MAPK14: variants seen among roughly 807,000 people sequenced by gnomAD.
The protein encoded by MAPK14 is CSAID-binding protein.
A neutral mutation model predicts 49.6 loss-of-function variants in MAPK14; 16 were observed. The observed-to-expected ratio is 0.32, with a 90% CI of 0.22 to 0.49. MAPK14 has a LOEUF of 0.49. Among genes scored for constraint, MAPK14 ranks in the 20% least tolerant of loss-of-function variants. MAPK14 has a pLI of 0.99. For synonymous variants in MAPK14, 142 were observed against 158.0 expected, an observed-to-expected ratio of 0.90 and a Z score of 0.76; for missense variants, 200 against 441.2, an observed-to-expected ratio of 0.45 and a Z score of 4.90.
chr6:36,028,053 A>T lies in MAPK14; in HGVS notation c.-105A>T. The T allele has an allele frequency of 1.6e-6, 1 of 619,072 alleles. No homozygotes were observed. The allele number at this position is 619,072 out of a possible 1,614,324, so 38.3% of individuals were successfully genotyped here. ...CCGCACCTGCGCGGGCGACCAGCGC[A>T]AGGTCCCCGCCCGGCTGGGCGGGCA... On this transcript the variant is annotated 5_prime_UTR_variant, in exon 1 of 12. Coordinates refer to ENST00000229794, the MANE Select transcript of MAPK14 (RefSeq NM_139012.3). This position sits in a 1 kb window ranked among gnomAD's most constrained non-coding sequence, Gnocchi z 5.1.
chr6:36,049,400 G>A (rs779551806), intron 1 of MAPK14, among the ~76,000 whole-genome samples: 5 of 152,136 alleles, frequency 3.3e-5, no homozygotes, highest in Non-Finnish European at 4.4e-5. Flanking sequence ...CAATGCTGCC[G>A]GTCCATGGAG....
At chr6:36,076,669 A>G in intron 8 of MAPK14, 61 bp downstream of exon 8, 1 of 1,281,632 alleles carries the variant, frequency 7.8e-7, no homozygotes, top group East Asian at 2.3e-5. Context: ...CCATGGGTGT[A>G]TACTCCTTTT....
At chr6:36,076,671 A>G (rs1249350320) in intron 8 of MAPK14, 63 bp downstream of exon 8, 7 of 1,207,678 alleles carry the variant, frequency 5.8e-6, no homozygotes, top group Non-Finnish European at 6.1e-6. Flanking sequence ...ATGGGTGTAT[A>G]CTCCTTTTAC....
chr6:36,081,321 A>G (rs1764751533), intron 8 of MAPK14, among the ~76,000 whole-genome samples: 1 of 152,124 alleles, frequency 6.6e-6, no homozygotes, highest in Non-Finnish European at 1.5e-5. Flanking sequence ...AATAGGGTTT[A>G]GCTCTTATAC....
intron 3 of MAPK14, among the ~76,000 whole-genome samples, chr6:36,069,235 T>G (rs2127436973): frequency 6.6e-6 from 1 of 152,332 alleles, no homozygotes; most frequent in South Asian, 2.1e-4. Context: ...AATGCCTCTT[T>G]TGGAATGTGC....
rs187225386 is a variant in MAPK14, at chr6:36,101,702, A to C, written c.763-869A>C. ...CTAATTTTTTGTATTTTTGGAGACA[A>C]GTTTTCACCATGTTACCCAGGCTGG... On this transcript the variant is annotated intron_variant, in intron 9 of 11. Coordinates refer to ENST00000229794, the MANE Select transcript of MAPK14 (RefSeq NM_139012.3). Among the ~76,000 whole-genome samples, 28 of 152,174 alleles carry C rather than the reference A, an allele frequency of 1.8e-4. No individual in the cohort carries two copies. In the East Asian group the frequency reaches 5.2e-3, roughly 28 times the overall value.
downstream of MAPK14, among the ~76,000 whole-genome samples, chr6:36,115,914 G>A (rs1341896947): frequency 1.4e-5 from 2 of 143,210 alleles, no homozygotes; most frequent in Non-Finnish European, 3.0e-5. Context: ...GGCAACAGAG[G>A]GAGACTCCGT....
intron 3 of MAPK14, among the ~76,000 whole-genome samples, chr6:36,065,270 G>A (rs772192074): frequency 1.3e-5 from 2 of 152,162 alleles, no homozygotes; most frequent in Non-Finnish European, 2.9e-5. Context: ...CATTATTGGA[G>A]TATATGCACT....
chr6:36,063,361 G>A (rs1206286842), intron 3 of MAPK14, among the ~76,000 whole-genome samples: 1 of 152,150 alleles, frequency 6.6e-6, no homozygotes, highest in Admixed American at 6.5e-5. Context: ...GCCGAGGTGG[G>A]CAGATCACTT....
intron 8 of MAPK14, chr6:36,092,480 C>A: frequency 1.7e-6 from 1 of 602,234 alleles, no homozygotes; most frequent in Non-Finnish European, 3.1e-6. Context: ...CATCACCAGT[C>A]TGTTCTTTCC....
chr6:36,102,651 T>C lies in MAPK14; in HGVS notation c.841+2T>C. The C allele has an allele frequency of 6.2e-7, 1 of 1,613,698 alleles. No individual in the cohort carries two copies. Among genetic ancestry groups the C allele is most frequent in the Non-Finnish European group, 8.5e-7 (1 of 1,179,636 alleles). ...TATTTATTGGTGCCAATCCCCTGGG[T>C]AAGTTGACCATATATCCTCACCTCA... On this transcript the variant is annotated splice_donor_variant, in intron 10 of 11. Transcript: ENST00000229794. LOFTEE classifies it high-confidence loss of function.
At chr6:36,087,760 C>T (rs942917101) in intron 8 of MAPK14, among the ~76,000 whole-genome samples, 1 of 152,118 alleles carries the variant, frequency 6.6e-6, no homozygotes, top group Non-Finnish European at 1.5e-5. Context: ...CTACTGTTGA[C>T]ATTCTTCACA....
chr6:36,037,396 A>G (rs530453209), intron 1 of MAPK14, among the ~76,000 whole-genome samples: 1 of 152,326 alleles, frequency 6.6e-6, no homozygotes, highest in African/African-American at 2.4e-5. Flanking sequence ...GCTTGGCTCC[A>G]AGGCTGAATG....
intron 3 of MAPK14, 48 bp from the exon 4 acceptor site, chr6:36,072,825 C>A: frequency 9.5e-7 from 1 of 1,049,252 alleles, no homozygotes; most frequent in Non-Finnish European, 1.4e-6. Context: ...AAGATAAGAA[C>A]TTTCTTAGGG....
intron 1 of MAPK14, among the ~76,000 whole-genome samples, chr6:36,031,428 CAG>C (rs1255436045): frequency 6.6e-6 from 1 of 152,152 alleles, no homozygotes; most frequent in Non-Finnish European, 1.5e-5. Context: ...TATTTTGAGA[CAG>C]AGTCTCATTC....
At position 36,108,473 on chromosome 6, in the gene MAPK14, C is replaced by T. The variant is rs1765866784; in HGVS notation, c.*26C>T. ...GCACCTGGTTTCTGTTCTGTTGATCCCACTTCACTGTGAGGGGAAGGCCTT... is the reference window on the plus strand; with the variant it reads ...GCACCTGGTTTCTGTTCTGTTGATCTCACTTCACTGTGAGGGGAAGGCCTT... On this transcript the variant is annotated 3_prime_UTR_variant, in exon 12 of 12. Transcript: ENST00000229794. The T allele has an allele frequency of 4.4e-6, 7 of 1,586,054 alleles. No individual in the cohort carries two copies. Among genetic ancestry groups the T allele is most frequent in the African/African-American group, 1.3e-5 (1 of 74,456 alleles).
intron 8 of MAPK14, among the ~76,000 whole-genome samples, chr6:36,078,473 T>C (rs1448814168): frequency 1.3e-5 from 2 of 152,204 alleles, no homozygotes; most frequent in African/African-American, 4.8e-5. Context: ...TTCGAAGCAG[T>C]GTGAGTCTTG....
intron 2 of MAPK14, among the ~76,000 whole-genome samples, chr6:36,057,239 T>C (rs1763623089): frequency 6.6e-6 from 1 of 152,180 alleles, no homozygotes; most frequent in African/African-American, 2.4e-5. Context: ...ACACAAATGA[T>C]AGATATGCTG....
At chr6:36,073,633 G>A (rs1277220354) in intron 4 of MAPK14, 58 bp from the exon 5 acceptor site, 4 of 1,365,514 alleles carry the variant, frequency 2.9e-6, no homozygotes, top group Non-Finnish European at 4.1e-6. Flanking sequence ...CAGCAAATAT[G>A]TTATATAATA....
Sources: allele counts gnomAD v4.1 joint callset (sites outside exome capture counted in the v4.1 genomes callset), GRCh38; gene constraint gnomAD v4.1.1; non-coding constraint Gnocchi (gnomAD v3.1); transcripts MANE v1.5; gene names NCBI Gene and HGNC (gene_info 2026-07-23, HGNC 2026-07-21).